LUZP2: variants seen among roughly 807,000 people sequenced by gnomAD.
LUZP2 encodes the protein leucine zipper protein 2.
LUZP2 carries 52 observed loss-of-function variants against 51.6 expected under a neutral mutation model. That is an observed-to-expected ratio of 1.01 (90% CI 0.81 to 1.27). The LOEUF (loss-of-function observed/expected upper bound fraction) is 1.27. Among genes scored for constraint, LUZP2 ranks in the 50% most tolerant of loss-of-function variants. The pLI, the probability that LUZP2 is intolerant of heterozygous loss-of-function variation, is 0.00. For synonymous variants in LUZP2, 154 were observed against 137.3 expected, an observed-to-expected ratio of 1.12 and a Z score of -0.85; for missense variants, 436 against 395.4, an observed-to-expected ratio of 1.10 and a Z score of -0.87.
In LUZP2 at chr11:24,942,421, G is replaced by A. The variant is rs575040195; in HGVS notation, c.522+27883G>A. Among the ~76,000 whole-genome samples the A allele has an allele frequency of 6.6e-5, 10 of 152,250 alleles. No homozygotes were observed. In the East Asian group the frequency reaches 1.2e-3, roughly 18 times the overall value. On this transcript the variant is annotated intron_variant, in intron 7 of 11. Coordinates refer to ENST00000336930, the MANE Select transcript of LUZP2 (RefSeq NM_001009909.4). ...TTCTAGTGCATGAGTAGTGACGAGC[G>A]TATGGTTATAACCTACATTTCCCTG...
At chr11:24,749,783 T>C (rs984461922) in intron 4 of LUZP2, among the ~76,000 whole-genome samples, 1 of 152,186 alleles carries the variant, frequency 6.6e-6, no homozygotes, top group Non-Finnish European at 1.5e-5. Context: ...CTTTGGATTC[T>C]TGGACTTATA....
intron 7 of LUZP2, among the ~76,000 whole-genome samples, chr11:24,916,302 C>T (rs191143532): frequency 3.9e-5 from 6 of 151,968 alleles, no homozygotes; most frequent in African/African-American, 1.4e-4. Flanking sequence ...TACCTAATCT[C>T]CATTTTAGTG....
intron 6 of LUZP2, among the ~76,000 whole-genome samples, chr11:24,911,907 CTTT>C (rs1853647969): frequency 6.6e-6 from 1 of 152,114 alleles, no homozygotes; most frequent in African/African-American, 2.4e-5. Context: ...TCAATCATGT[CTTT>C]TTGTTCTTCT....
intron 1 of LUZP2, among the ~76,000 whole-genome samples, chr11:24,671,142 A>G (rs1856389662): frequency 6.6e-6 from 1 of 151,914 alleles, no homozygotes. Flanking sequence ...TTTAGGTTTG[A>G]TAGAAATGAC....
At position 25,076,644 on chromosome 11, in the gene LUZP2, G is replaced by GGGAA. The variant is rs528877864; in HGVS notation, c.859-678_859-675dup. 7.9e-3 allele frequency among the ~76,000 whole-genome samples: 1,154 copies of GGGAA among 145,204 alleles called. 14 individuals are homozygous for GGGAA. Among genetic ancestry groups the GGGAA allele is most frequent in the African/African-American group, 0.028 (1,086 of 38,172 alleles). ...GAAGGAAGGGAGGAAGGGAAAAAGA[G>GGGAA]GGAAGGAAGGGAGGGAGGGAAGGAG... On this transcript the variant is annotated intron_variant, in intron 10 of 11. Coordinates refer to ENST00000336930, the MANE Select transcript of LUZP2 (RefSeq NM_001009909.4).
At chr11:24,937,175 TTAAC>T (rs1015859942) in intron 7 of LUZP2, among the ~76,000 whole-genome samples, 3 of 152,312 alleles carry the variant, frequency 2.0e-5, no homozygotes, top group African/African-American at 7.2e-5. Context: ...ACAACTTTGA[TTAAC>T]TGACATATAA....
At chr11:24,645,217 C>A (rs963942623) in intron 1 of LUZP2, among the ~76,000 whole-genome samples, 1 of 152,050 alleles carries the variant, frequency 6.6e-6, no homozygotes, top group African/African-American at 2.4e-5. Flanking sequence ...AGACCACAGG[C>A]AATACAGTCA....
At chr11:24,840,894 G>A (rs1264837533) in intron 5 of LUZP2, among the ~76,000 whole-genome samples, 1 of 151,946 alleles carries the variant, frequency 6.6e-6, no homozygotes, top group Non-Finnish European at 1.5e-5. Context: ...CTAGCAAAAA[G>A]CCTCAACATT....
intron 5 of LUZP2, among the ~76,000 whole-genome samples, chr11:24,764,490 T>TAAAAAAAAAA (rs869045272): frequency 3.2e-5 from 3 of 94,056 alleles, no homozygotes; most frequent in Non-Finnish European, 6.4e-5. Flanking sequence ...ATCTCATCTC[T>TAAAAAAAAAA]AAAAAAAAAA....
Position 25,078,892 on chromosome 11 carries a change from T to G in LUZP2, c.*234T>G, listed in dbSNP as rs2134065669. 1 of 424,060 alleles carries G rather than the reference T, an allele frequency of 2.4e-6. No individual in the cohort carries two copies. The highest frequency in any genetic ancestry group is 4.7e-5 in the East Asian group (1 of 21,138). The allele number at this position is 424,060 out of a possible 1,614,324, so 26.3% of individuals were successfully genotyped here. Reference sequence around the variant, plus strand: ...AAATATTTTGTTGTCAACAGTAAATTGTCCCATATAAATTGGTCTGGTTTA... The same window carrying G: ...AAATATTTTGTTGTCAACAGTAAATGGTCCCATATAAATTGGTCTGGTTTA... On this transcript the variant is annotated 3_prime_UTR_variant, in exon 12 of 12. Coordinates refer to ENST00000336930, the MANE Select transcript of LUZP2 (RefSeq NM_001009909.4).
At chr11:24,801,621 C>T (rs948756858) in intron 5 of LUZP2, among the ~76,000 whole-genome samples, 2 of 151,386 alleles carry the variant, frequency 1.3e-5, no homozygotes, top group East Asian at 1.9e-4. Flanking sequence ...TAAGGAGATT[C>T]GGAAAATGCT....
intron 5 of LUZP2, among the ~76,000 whole-genome samples, chr11:24,776,119 G>A (rs11825377): frequency 0.023 from 3,491 of 152,204 alleles, 125 homozygotes; most frequent in African/African-American, 0.08. Flanking sequence ...AGAACCATAA[G>A]TTAAACTTAT....
intron 4 of LUZP2, among the ~76,000 whole-genome samples, chr11:24,741,949 TTATATATTATATATAAATATA>T (rs1859177089): frequency 9.5e-6 from 1 of 105,172 alleles, no homozygotes; most frequent in Non-Finnish European, 2.2e-5. Context: ...ATATATACAT[TTATATATTATATATAAATATA>T]TACATTTATA....
chr11:24,579,909 T>C (rs1473249616), intron 1 of LUZP2, among the ~76,000 whole-genome samples: 1 of 152,088 alleles, frequency 6.6e-6, no homozygotes, highest in Non-Finnish European at 1.5e-5. Context: ...TGCTACAAAA[T>C]ACATCTAAGC....
chr11:24,867,920 A>G (rs955132976), intron 5 of LUZP2, among the ~76,000 whole-genome samples: 2 of 152,188 alleles, frequency 1.3e-5, no homozygotes, highest in Non-Finnish European at 2.9e-5. Flanking sequence ...TTGGTTGAAT[A>G]TCAGTGTTAA....
rs1393795637 is a variant in LUZP2 at position 24,574,349 on chromosome 11, TCCTC to T, written c.62+77058_62+77061del. On this transcript the variant is annotated intron_variant, in intron 1 of 11. Coordinates refer to ENST00000336930, the MANE Select transcript of LUZP2 (RefSeq NM_001009909.4). ...CCCTCCCTCCCTTGCTTCCTTCCTTTCCTCCCTCCCTCCCTCCTTCCTTCCTTCT... is the reference window on the plus strand; with the variant it reads ...CCCTCCCTCCCTTGCTTCCTTCCTTTCCTCCCTCCCTCCTTCCTTCCTTCT... 7.5e-5 allele frequency among the ~76,000 whole-genome samples: 9 copies of T among 120,550 alleles called. No individual in the cohort carries two copies. In the East Asian group the frequency reaches 1.1e-3, roughly 15 times the overall value. 79.1% of individuals were successfully genotyped at this position (120,550 alleles called of 152,430 possible). A position where few individuals can be genotyped will look rare whatever the true frequency, so the allele number is the denominator to read the frequency against.
rs545531658 is a variant in LUZP2 at position 24,654,412 on chromosome 11, G to T, written c.63-74757G>T. ...TTTTTTTTCTTTTTTCTTTTGTTTTGTTTGTTTGTTCATTTTGTTTTTCAG... is the reference window on the plus strand; with the variant it reads ...TTTTTTTTCTTTTTTCTTTTGTTTTTTTTGTTTGTTCATTTTGTTTTTCAG... On this transcript the variant is annotated intron_variant, in intron 1 of 11. Coordinates refer to ENST00000336930, the MANE Select transcript of LUZP2 (RefSeq NM_001009909.4). Among the ~76,000 whole-genome samples the T allele has an allele frequency of 5.9e-4, 88 of 150,254 alleles. 1 individual carries two copies. Among genetic ancestry groups the T allele is most frequent in the African/African-American group, 1.9e-3 (79 of 40,858 alleles).
intron 3 of LUZP2, among the ~76,000 whole-genome samples, chr11:24,736,935 C>G (rs1236577333): frequency 1.3e-5 from 2 of 151,986 alleles, no homozygotes; most frequent in African/African-American, 4.8e-5. Flanking sequence ...TTTGATTTGT[C>G]AACCAAAGTC....
chr11:24,699,619 T>G (rs903939974), intron 1 of LUZP2, among the ~76,000 whole-genome samples: 1 of 151,486 alleles, frequency 6.6e-6, no homozygotes, highest in Non-Finnish European at 1.5e-5. Flanking sequence ...GGTAGATGGA[T>G]ATATAGATAT....
Sources: allele counts gnomAD v4.1 joint callset (sites outside exome capture counted in the v4.1 genomes callset), GRCh38; gene constraint gnomAD v4.1.1; transcripts MANE v1.5; gene names NCBI Gene and HGNC (gene_info 2026-07-23, HGNC 2026-07-21).